Variants in TENT5D observed in about 807,000 individuals in gnomAD.
The protein encoded by TENT5D is terminal nucleotidyltransferase 5D, also known as cancer/testis antigen 112.
For synonymous variants in TENT5D, 103 were observed against 100.6 expected, an observed-to-expected ratio of 1.02 and a Z score of -0.15; for missense variants, 191 against 287.0, an observed-to-expected ratio of 0.67 and a Z score of 2.42.
At chrX:80,422,293 T>C (rs907058437) in intron 1 of TENT5D, among the ~76,000 whole-genome samples, 11 of 110,497 alleles carry the variant, frequency 1.0e-4, no homozygotes, top group African/African-American at 3.6e-4. Context: ...ACCAACATGG[T>C]GAAACCCCGT....
At chrX:80,339,845 T>C (rs1390445724) in intron 2 of TENT5D, among the ~76,000 whole-genome samples, 1 of 105,980 alleles carries the variant, frequency 9.4e-6, no homozygotes, top group Admixed American at 1.0e-4. Context: ...TTATAATAGA[T>C]AGTTATCGGA....
intron 3 of TENT5D, among the ~76,000 whole-genome samples, chrX:80,411,654 TC>T (rs1467125563): frequency 8.9e-6 from 1 of 112,404 alleles, no homozygotes; most frequent in Non-Finnish European, 1.9e-5. Context: ...AGAACACATT[TC>T]TTTTTTTCAG....
At chrX:80,392,706 C>CG (rs1569365074) in intron 3 of TENT5D, among the ~76,000 whole-genome samples, 1 of 102,427 alleles carries the variant, frequency 9.8e-6, no homozygotes, top group Non-Finnish European at 2.0e-5. Context: ...TTAGTAGAGA[C>CG]GGGGTTTCAC....
intron 3 of TENT5D, among the ~76,000 whole-genome samples, chrX:80,343,377 A>G (rs61114297): frequency 9.5e-6 from 1 of 105,525 alleles, no homozygotes; most frequent in African/African-American, 3.5e-5. Flanking sequence ...CTTTAGGACC[A>G]GGTCATTTTA....
Position 80,358,184 on chromosome X carries a change from C to A in TENT5D, c.-142+15620C>A, listed in dbSNP as rs766954825. Among the ~76,000 whole-genome samples, 498 of 111,269 alleles carry A rather than the reference C, an allele frequency of 4.5e-3. 7 individuals carry two copies. The highest frequency in any genetic ancestry group is 0.015 in the African/African-American group (471 of 30,651). Reference sequence around the variant, plus strand: ...TTAATTCAAGATGGATTAAAGACTTCAATGTTAGACCTAAAACCATAAAAA... The same window carrying A: ...TTAATTCAAGATGGATTAAAGACTTAAATGTTAGACCTAAAACCATAAAAA... On this transcript the variant is annotated intron_variant, in intron 3 of 4. Transcript: ENST00000538312.
chrX:80,393,242 A>G (rs987519347), intron 3 of TENT5D, among the ~76,000 whole-genome samples: 1 of 110,936 alleles, frequency 9.0e-6, no homozygotes, highest in African/African-American at 3.3e-5. Context: ...TCATCTCTCC[A>G]AATATTCCTT....
At chrX:80,432,591 C>T (rs747372339) in intron 1 of TENT5D, among the ~76,000 whole-genome samples, 2 of 111,724 alleles carry the variant, frequency 1.8e-5, no homozygotes, top group East Asian at 5.7e-4. Flanking sequence ...TCTTACTCAT[C>T]CTTTAGATGA....
intron 2 of TENT5D, among the ~76,000 whole-genome samples, chrX:80,339,263 C>G (rs1416561459): frequency 9.0e-6 from 1 of 111,036 alleles, no homozygotes; most frequent in East Asian, 2.8e-4. Context: ...GCTCAGGTGC[C>G]CATTTAGTAT....
intron 3 of TENT5D, among the ~76,000 whole-genome samples, chrX:80,368,193 T>G (rs917505566): frequency 9.0e-6 from 1 of 111,690 alleles, no homozygotes; most frequent in Non-Finnish European, 1.9e-5. Context: ...GAAAAGTTTA[T>G]CTGCAGGATC....
chrX:80,441,392 TCTA>T (rs1303105749), intron 2 of TENT5D, among the ~76,000 whole-genome samples: 4 of 111,441 alleles, frequency 3.6e-5, no homozygotes, highest in Non-Finnish European at 5.7e-5. Flanking sequence ...TTGCTCTAGT[TCTA>T]CTAGGGAAAT....
At chrX:80,386,854 C>T (rs1252357909) in intron 3 of TENT5D, among the ~76,000 whole-genome samples, 2 of 111,391 alleles carry the variant, frequency 1.8e-5, no homozygotes, top group African/African-American at 6.5e-5. Context: ...CTGTTCAATT[C>T]TTATGTGAGA....
rs757191426 is a variant in TENT5D at position 80,392,907 on chromosome X, A to AT, written c.-141-45702dup. 1.4e-4 allele frequency among the ~76,000 whole-genome samples: 16 copies of AT among 111,436 alleles called. No homozygotes were observed. The East Asian group carries it at 4.5e-3, about 31-fold the overall frequency. ...TTCAGTGATGCCCATCATTTACATGATAAAAACTCTTATTTTCCTTCTCTT... is the reference window on the plus strand; with the variant it reads ...TTCAGTGATGCCCATCATTTACATGATTAAAAACTCTTATTTTCCTTCTCTT... On this transcript the variant is annotated intron_variant, in intron 3 of 4. Coordinates refer to the TENT5D transcript ENST00000538312.
intron 3 of TENT5D, among the ~76,000 whole-genome samples, chrX:80,368,120 G>A (rs1017541273): frequency 9.0e-6 from 1 of 111,333 alleles, no homozygotes; most frequent in African/African-American, 3.3e-5. Flanking sequence ...TATACACTAT[G>A]TACCCATAAA....
intron 3 of TENT5D, among the ~76,000 whole-genome samples, chrX:80,356,522 T>C (rs189799566): frequency 1.7e-3 from 186 of 111,560 alleles, no homozygotes; most frequent in African/African-American, 6.0e-3. Flanking sequence ...ACAAGTTAGT[T>C]GACTGATCTT....
At chrX:80,414,496 C>T (rs960216115) in intron 3 of TENT5D, among the ~76,000 whole-genome samples, 23 of 112,004 alleles carry the variant, frequency 2.1e-4, no homozygotes, top group Admixed American at 2.0e-3. Context: ...GAGACATCTG[C>T]CCAAGGTGGT....
intron 1 of TENT5D, among the ~76,000 whole-genome samples, chrX:80,426,953 G>A (rs5959707): frequency 1.7e-3 from 188 of 111,143 alleles, no homozygotes; most frequent in African/African-American, 5.7e-3. Context: ...TGAGTCTCAC[G>A]AGATCTGATG....
At chrX:80,431,475 T>A (rs779744757) in intron 1 of TENT5D, among the ~76,000 whole-genome samples, 1 of 112,000 alleles carries the variant, frequency 8.9e-6, no homozygotes, top group South Asian at 3.8e-4. Context: ...ATAGGCTGTC[T>A]TAAAGTATGC....
At chrX:80,411,435 A>G (rs1482796573) in intron 3 of TENT5D, among the ~76,000 whole-genome samples, 14 of 111,834 alleles carry the variant, frequency 1.3e-4, no homozygotes, top group Admixed American at 1.9e-4. Context: ...TCTTTCTTAA[A>G]TAACTAGTTG....
At chrX:80,434,206 G>C (rs1423720175) in intron 1 of TENT5D, among the ~76,000 whole-genome samples, 3 of 92,417 alleles carry the variant, frequency 3.2e-5, no homozygotes, top group Non-Finnish European at 6.3e-5. Flanking sequence ...TGATCATAAA[G>C]TAAAAAAAAA....
Sources: allele counts gnomAD v4.1 joint callset (sites outside exome capture counted in the v4.1 genomes callset), GRCh38; gene constraint gnomAD v4.1.1; transcripts MANE v1.5; gene names NCBI Gene and HGNC (gene_info 2026-07-23, HGNC 2026-07-21).